The following AVPR2 variants were observed in gnomAD, a reference collection of about 807,000 sequenced individuals.
The protein encoded by AVPR2 is arginine vasopressin receptor 2, also known as vasopressin V2 receptor.
AVPR2 carries 3 observed loss-of-function variants against 12.0 expected under a neutral mutation model. The ratio of observed to expected loss-of-function variants is 0.25; its 90% CI spans 0.11 to 0.64. The LOEUF (loss-of-function observed/expected upper bound fraction) is 0.64, where lower values mean the gene tolerates loss of function less well. Among genes scored for constraint, AVPR2 ranks in the 30% least tolerant of loss-of-function variants. The pLI, the probability that AVPR2 is intolerant of heterozygous loss-of-function variation, is 0.84. For synonymous variants in AVPR2, 143 were observed against 147.5 expected (o/e 0.97, Z 0.22); for missense variants, 279 against 347.9 (o/e 0.80, Z 1.58).
rs781801367 is a variant in AVPR2, at chrX:153,906,343, C to G, written c.837C>G (p.Val279=). 11 of 1,210,674 alleles carry G rather than the reference C, an allele frequency of 9.1e-6. No individual in the cohort carries two copies. The highest frequency in any genetic ancestry group is 1.2e-5 in the Non-Finnish European group (11 of 895,318). Residue 279 remains valine (V), a synonymous_variant, in exon 3 of 4, where the codon GTC becomes GTG. Coordinates refer to ENST00000646375, the MANE Select transcript of AVPR2 (RefSeq NM_000054.7). ...GGATGACGCTAGTGATTGTGGTCGT[C>G]TATGTGCTGTGCTGGGCACCCTTCT... ...TVRMTLVIVV[V]YVLCWAPFFL...
chrX:153,905,979 G>T lies in AVPR2; in HGVS notation c.473G>T (p.Arg158Leu), dbSNP rs148534516. ...CATGGAAGTGGGGCTCACTGGAACC[G>T]GCCGGTGCTAGTGGCTTGGGCCTTC... is the stretch of plus-strand genomic sequence containing the variant. ...YRHGSGAHWNRPVLVAWAFSL... is the reference protein window; with the variant it reads ...YRHGSGAHWNLPVLVAWAFSL... The change falls in exon 3 of 4, where the codon CGG becomes CTG. Residue 158 changes from arginine (R) to leucine (L), a missense_variant. Physicochemically the swap from Arg to Leu is moderately radical, Grantham distance 102 (BLOSUM62 -2). Transcript: ENST00000646375. 1 of 1,205,535 alleles carries T rather than the reference G, an allele frequency of 8.3e-7. No homozygotes were observed.
chrX:153,905,587 G>C lies in AVPR2; in HGVS notation c.81G>C (p.Arg27Ser), dbSNP rs1221495795. The C allele has an allele frequency of 1.7e-6, 2 of 1,206,005 alleles. No individual in the cohort carries two copies. Among genetic ancestry groups the C allele is most frequent in the East Asian group, 6.0e-5 (2 of 33,533 alleles). The change falls in exon 3 of 4, where the codon AGG becomes AGC. Residue 27 changes from arginine to serine, a missense_variant. Transcript: ENST00000646375. ...TGCCCAGCAACAGCAGCCAGGAGAG[G>C]CCACTGGACACCCGGGACCCGCTGC... ...PSLPSNSSQERPLDTRDPLLA... is the reference protein window; with the variant it reads ...PSLPSNSSQESPLDTRDPLLA...
chrX:153,904,982 A>T lies in AVPR2; in HGVS notation c.-164A>T. 1.7e-6 allele frequency: 1 copy of T among 589,164 alleles called. No homozygotes were observed. The highest frequency in any genetic ancestry group is 2.6e-6 in the Non-Finnish European group (1 of 386,082). 48.6% of individuals were successfully genotyped at this position (589,164 alleles called of 1,213,427 possible). On this transcript the variant is annotated 5_prime_UTR_variant, in exon 2 of 4. Transcript: ENST00000646375. The stretch of plus-strand genomic sequence containing the variant: ...CAATCTTCCCTGCCCAGGACTGGCC[A>T]TACTGCCACCGACACGTGCACACAC...
In AVPR2 at chrX:153,905,524, C is replaced by T. The variant is rs1294506713; in HGVS notation, c.26-8C>T. The T allele has an allele frequency of 2.5e-6, 3 of 1,179,332 alleles. No individual in the cohort carries two copies. In the African/African-American group the frequency reaches 5.3e-5, roughly 21 times the overall value. On this transcript the variant is annotated splice_region_variant and splice_polypyrimidine_tract_variant and intron_variant, in intron 2 of 3. Transcript: ENST00000646375. The stretch of plus-strand genomic sequence containing the variant: ...TCTAACCAGGCCCTCTTCCCGACTC[C>T]TTCCCAGCTGTGCCTGGGCATCCCT...
upstream of AVPR2, chrX:153,902,636 G>A (rs782476545): frequency 3.3e-4 from 110 of 328,477 alleles, 2 homozygotes; most frequent in Admixed American, 1.2e-4. Flanking sequence ...GTTCCTCCCC[G>A]GGGTCCTGGC....
upstream of AVPR2, among the ~76,000 whole-genome samples, chrX:153,903,995 T>C (rs1002741120): frequency 9.0e-6 from 1 of 110,811 alleles, no homozygotes; most frequent in Admixed American, 9.5e-5. Context: ...ACTCATGGTA[T>C]GTTCAAGAAC....
In AVPR2 at chrX:153,905,157, G is replaced by A. The variant is rs61748993; in HGVS notation, c.12G>A (p.Ala4=). 985 of 1,210,577 alleles carry A rather than the reference G, an allele frequency of 8.1e-4. 5 individuals carry two copies. In the African/African-American group the frequency reaches 0.015, roughly 19 times the overall value. Residue 4 remains alanine (A), a synonymous_variant, in exon 2 of 4, where the codon GCG becomes GCA. Coordinates refer to ENST00000646375, the MANE Select transcript of AVPR2 (RefSeq NM_000054.7). The stretch of plus-strand genomic sequence containing the variant: ...GCCCCAGCCCCACCATGCTCATGGC[G>A]TCCACCACTTCCGGTAAGGCTTGCC... MLM[A]STTSAVPGHP...
At chrX:153,903,841 G>A (rs1312368738), upstream of AVPR2, among the ~76,000 whole-genome samples, 6 of 107,059 alleles carry the variant, frequency 5.6e-5, no homozygotes, top group East Asian at 5.9e-4. Flanking sequence ...GGCTGGCCTC[G>A]GCTGAGCCAA....
chrX:153,906,971 C>G lies in AVPR2; in HGVS notation c.*243C>G. ...GGGCCCCTCAGGTCAGCTCACTGAG[C>G]TGGGTGTAGGAGGGGCTGCAGCAGA... is the stretch of plus-strand genomic sequence containing the variant. On this transcript the variant is annotated 3_prime_UTR_variant, in exon 4 of 4. Transcript: ENST00000646375. 4.1e-6 allele frequency: 2 copies of G among 488,126 alleles called. No homozygotes were observed. The highest frequency in any genetic ancestry group is 3.7e-6 in the Non-Finnish European group (1 of 271,632). The allele number at this position is 488,126 out of a possible 1,213,427, so 40.2% of individuals were successfully genotyped here. A position where few individuals can be genotyped will look rare whatever the true frequency, so the allele number is the denominator to read the frequency against.
At chrX:153,905,258 C>T in intron 2 of AVPR2, 88 bp downstream of exon 2, 1 of 1,142,868 alleles carries the variant, frequency 8.7e-7, no homozygotes, top group Non-Finnish European at 1.2e-6. Flanking sequence ...CCTTCACCCT[C>T]ACCTCTGGGT....
At chrX:153,903,014 C>T (rs1282986293), upstream of AVPR2, 4 of 221,476 alleles carry the variant, frequency 1.8e-5, no homozygotes, top group Admixed American at 2.2e-4. Context: ...CATCAAGTCC[C>T]ATTGCACAGA....
At chrX:153,902,778 C>T (rs1214353397), upstream of AVPR2, 5 of 327,467 alleles carry the variant, frequency 1.5e-5, no homozygotes, top group Admixed American at 6.2e-5. Context: ...GAGATTGCCA[C>T]GGGCCTGGCC....
At chrX:153,904,941 G>A (rs1436926942) in intron 1 of AVPR2, 33 bp from the exon 2 acceptor site, 1 of 533,774 alleles carries the variant, frequency 1.9e-6, no homozygotes, top group African/African-American at 2.3e-5. Flanking sequence ...GCATCCGTCT[G>A]TCTGACCATC....
rs782542190 is a variant in AVPR2 at position 153,906,170 on chromosome X, G to A, written c.664G>A (p.Ala222Thr). ...GTTCGTGGCACCTACCCTGGGTATC[G>A]CCGCCTGCCAGGTGCTCATCTTCCG... The part of the protein sequence containing the change: ...MVFVAPTLGI[A>T]ACQVLIFREI... Residue 222 changes from alanine to threonine, a missense_variant, in exon 3 of 4, where the codon GCC (alanine) becomes ACC (threonine). Physicochemically the swap from Ala to Thr is moderately conservative, Grantham distance 58. Transcript: ENST00000646375. The A allele has an allele frequency of 4.0e-5, 48 of 1,211,083 alleles. 1 individual carries two copies. Among genetic ancestry groups the A allele is most frequent in the South Asian group, 7.0e-5 (4 of 56,937 alleles).
Position 153,907,106 on chromosome X carries a change from G to A in AVPR2, c.*378G>A, listed in dbSNP as rs782584856. 19 of 385,695 alleles carry A rather than the reference G, an allele frequency of 4.9e-5. No individual in the cohort carries two copies. Among genetic ancestry groups the A allele is most frequent in the Admixed American group, 3.0e-4 (10 of 33,881 alleles). 31.8% of individuals were successfully genotyped at this position (385,695 alleles called of 1,213,427 possible). A position where few individuals can be genotyped will look rare whatever the true frequency, so the allele number is the denominator to read the frequency against. On this transcript the variant is annotated 3_prime_UTR_variant, in exon 4 of 4. Transcript: ENST00000646375. ...GGGGCCAGGGGACCTTCCTGTCTCC[G>A]CCTTTCTAATCCCTCCCTCCTCATT...
upstream of AVPR2, among the ~76,000 whole-genome samples, chrX:153,903,762 T>A (rs1347464901): frequency 0.025 from 2 of 80 alleles, no homozygotes; most frequent in Admixed American, 0.22. Flanking sequence ...TTTTGGTCTC[T>A]GGCTTCACAG....
At position 153,904,988 on chromosome X, in the gene AVPR2, C is replaced by A; in HGVS notation, c.-158C>A. 1.6e-6 allele frequency: 1 copy of A among 622,381 alleles called. No individual in the cohort carries two copies. Among genetic ancestry groups the A allele is most frequent in the Non-Finnish European group, 2.4e-6 (1 of 415,595 alleles). 51.3% of individuals were successfully genotyped at this position (622,381 alleles called of 1,213,427 possible). A position where few individuals can be genotyped will look rare whatever the true frequency, so the allele number is the denominator to read the frequency against. On this transcript the variant is annotated 5_prime_UTR_variant, in exon 2 of 4. Transcript: ENST00000646375. ...TCCCTGCCCAGGACTGGCCATACTG[C>A]CACCGACACGTGCACACACGCCAAC...
At chrX:153,902,636 G>T (rs782476545), upstream of AVPR2, 3 of 328,477 alleles carry the variant, frequency 9.1e-6, no homozygotes. Context: ...GTTCCTCCCC[G>T]GGGTCCTGGC....
rs782289888 is a variant in AVPR2, at chrX:153,905,590, A to C, written c.84A>C (p.Pro28=). 1.0e-5 allele frequency: 12 copies of C among 1,205,301 alleles called. No individual in the cohort carries two copies. The East Asian group carries it at 3.0e-4, about 30-fold the overall frequency. ...SLPSNSSQER[P]LDTRDPLLAR... is the part of the protein sequence containing the mutation. ...CCAGCAACAGCAGCCAGGAGAGGCC[A>C]CTGGACACCCGGGACCCGCTGCTAG... Residue 28 remains proline, a synonymous_variant, in exon 3 of 4, where the codon CCA becomes CCC. Coordinates refer to ENST00000646375, the MANE Select transcript of AVPR2 (RefSeq NM_000054.7).
Sources: allele counts gnomAD v4.1 joint callset (sites outside exome capture counted in the v4.1 genomes callset), GRCh38; gene constraint gnomAD v4.1.1; transcripts MANE v1.5; gene names NCBI Gene and HGNC (gene_info 2026-07-23, HGNC 2026-07-21).